The following TDG variants were observed in gnomAD, a reference collection of about 807,000 sequenced individuals.
TDG encodes G/T mismatch-specific thymine DNA glycosylase.
In TDG, 23 loss-of-function variants were observed where a neutral mutation model predicts 46.1. That is an observed-to-expected ratio of 0.50 (90% CI 0.36 to 0.71). The LOEUF (loss-of-function observed/expected upper bound fraction) is 0.71, where lower values mean the gene tolerates loss of function less well. Ranked by LOEUF, TDG falls within the 30% of genes least tolerant of loss-of-function variation. TDG has a pLI of 0.00. For missense variants in TDG, 304 were observed against 486.7 expected, an observed-to-expected ratio of 0.62 and a Z score of 3.53; for synonymous variants, 115 against 161.3, an observed-to-expected ratio of 0.71 and a Z score of 2.18.
intron 1 of TDG, among the ~76,000 whole-genome samples, chr12:103,968,354 C>A (rs4135047): frequency 0.76 from 115,840 of 152,100 alleles, 44,374 homozygotes; most frequent in East Asian, 1. Context: ...TTAACCCTTG[C>A]ATGAGAGTAG....
At chr12:103,983,718 T>C (rs1871977221) in intron 7 of TDG, among the ~76,000 whole-genome samples, 1 of 152,206 alleles carries the variant, frequency 6.6e-6, no homozygotes, top group Non-Finnish European at 1.5e-5. Context: ...CCTCGTACTG[T>C]TGTGAAACAA....
In TDG at chr12:103,980,130, A is replaced by G. The variant is rs1444577384; in HGVS notation, c.408+58A>G. The G allele has an allele frequency of 3.1e-6, 5 of 1,598,004 alleles. No individual in the cohort carries two copies. The African/African-American group carries it at 5.4e-5, about 17-fold the overall frequency. On this transcript the variant is annotated intron_variant, in intron 3 of 9. Coordinates refer to ENST00000392872, the MANE Select transcript of TDG (RefSeq NM_003211.6). ...TAGTATTGGGGGATCAGCTTTACTTAACAGTTGTCCTTGCAAATAGCATTT... is the reference window on the plus strand; with the variant it reads ...TAGTATTGGGGGATCAGCTTTACTTGACAGTTGTCCTTGCAAATAGCATTT...
intron 9 of TDG, among the ~76,000 whole-genome samples, 192 bp downstream of exon 9, chr12:103,985,920 TTTTG>T (rs1378425595): frequency 3.9e-5 from 6 of 152,162 alleles, no homozygotes; most frequent in Admixed American, 6.5e-5. Flanking sequence ...ACATTTTCTT[TTTTG>T]TTTGTTTGTT....
intron 1 of TDG, among the ~76,000 whole-genome samples, chr12:103,972,352 C>T (rs1253227067): frequency 6.6e-6 from 1 of 152,158 alleles, no homozygotes; most frequent in African/African-American, 2.4e-5. Context: ...CTCCTAACCT[C>T]GTGATCCAAC....
chr12:103,968,930 A>T (rs1370054570), intron 1 of TDG, among the ~76,000 whole-genome samples: 1 of 152,194 alleles, frequency 6.6e-6, no homozygotes, highest in African/African-American at 2.4e-5. Context: ...GGAGTTCAAG[A>T]CCAGCCTGGC....
intron 3 of TDG, 131 bp downstream of exon 3, chr12:103,980,203 C>T: frequency 7.7e-7 from 1 of 1,294,686 alleles, no homozygotes; most frequent in Non-Finnish European, 1.1e-6. Flanking sequence ...TAAATGGTGT[C>T]AGCTTCATGA....
intron 8 of TDG, among the ~76,000 whole-genome samples, chr12:103,985,154 T>C (rs1183436604): frequency 8.5e-6 from 1 of 118,096 alleles, no homozygotes; most frequent in African/African-American, 3.1e-5. Flanking sequence ...TGTGTGTCTA[T>C]ATATAGACAC....
At chr12:103,969,471 T>A (rs1483866041) in intron 1 of TDG, among the ~76,000 whole-genome samples, 1 of 152,236 alleles carries the variant, frequency 6.6e-6, no homozygotes, top group Non-Finnish European at 1.5e-5. Flanking sequence ...TCTCTATCCC[T>A]AACTTTGTTC....
At chr12:103,970,333 C>G (rs909233224) in intron 1 of TDG, among the ~76,000 whole-genome samples, 6 of 151,934 alleles carry the variant, frequency 3.9e-5, no homozygotes, top group African/African-American at 1.5e-4. Flanking sequence ...TAAAATTTAG[C>G]CAGGCATAGA....
intron 1 of TDG, among the ~76,000 whole-genome samples, chr12:103,966,451 CAGG>C (rs766314173): frequency 6.6e-6 from 1 of 152,150 alleles, no homozygotes; most frequent in Admixed American, 6.5e-5. Context: ...TTTCCAGCTC[CAGG>C]AGTTTTCATT....
At chr12:103,967,733 A>G (rs1055321529) in intron 1 of TDG, 1 of 152,112 alleles carries the variant, frequency 6.6e-6, no homozygotes, top group Non-Finnish European at 1.5e-5. Context: ...CTAGGATTAC[A>G]AATGTGAGCC....
At chr12:103,974,974 CAAAAA>C (rs34864393) in intron 1 of TDG, among the ~76,000 whole-genome samples, 2 of 77,230 alleles carry the variant, frequency 2.6e-5, no homozygotes, top group African/African-American at 5.1e-5. Flanking sequence ...GACTCCGTCT[CAAAAA>C]AAAAAAAAAA....
rs1566180289 is a variant in TDG at position 103,976,972 on chromosome 12, G to A, written c.78G>A (p.Met26Ile). 1 of 1,613,912 alleles carries A rather than the reference G, an allele frequency of 6.2e-7. No individual in the cohort carries two copies. Among genetic ancestry groups the A allele is most frequent in the Admixed American group, 1.7e-5 (1 of 59,970 alleles). The change falls in exon 2 of 10, where the codon ATG becomes ATA. Residue 26 changes from methionine to isoleucine, a missense_variant. By Grantham distance (10) the Met-to-Ile change is conservative. Transcript: ENST00000392872. ...ATACGTTTCCATTTCAACAACTGATGGCTGAAGCTCCTAATATGGCAGTTG... is the reference window on the plus strand; with the variant it reads ...ATACGTTTCCATTTCAACAACTGATAGCTGAAGCTCCTAATATGGCAGTTG... ...AFYTFPFQQL[M>I]AEAPNMAVVN...
At chr12:103,966,775 G>T (rs1252926955) in intron 1 of TDG, among the ~76,000 whole-genome samples, 1 of 152,116 alleles carries the variant, frequency 6.6e-6, no homozygotes, top group African/African-American at 2.4e-5. Context: ...AAAGAGTGAT[G>T]ATTTACATTG....
At chr12:103,971,862 GAA>G (rs773052113) in intron 1 of TDG, among the ~76,000 whole-genome samples, 3 of 152,124 alleles carry the variant, frequency 2.0e-5, no homozygotes, top group Non-Finnish European at 4.4e-5. Context: ...CACATATGTA[GAA>G]ATCACTGAAT....
chr12:103,976,925 C>T lies in TDG; in HGVS notation c.31C>T (p.Leu11Phe). 2 of 1,613,588 alleles carry T rather than the reference C, an allele frequency of 1.2e-6. No individual in the cohort carries two copies. Among genetic ancestry groups the T allele is most frequent in the Non-Finnish European group, 8.5e-7 (1 of 1,179,892 alleles). Reference protein sequence around the residue: MEAENAGSYSLQQAQAFYTFP... With the variant: MEAENAGSYSFQQAQAFYTFP... ...GCTTCATTATTCTTTCAGCTATTCC[C>T]TTCAGCAAGCTCAAGCTTTTTATAC... Residue 11 changes from leucine to phenylalanine, a missense_variant, in exon 2 of 10, where the codon CTT becomes TTT. By Grantham distance (22) the Leu-to-Phe change is conservative (BLOSUM62 0). Transcript: ENST00000392872.
rs1475775259 is a variant in TDG, at chr12:103,988,234, GT to G, written c.*1146del. The G allele has an allele frequency of 1.4e-4, 21 of 152,382 alleles. No homozygotes were observed. Among genetic ancestry groups the G allele is most frequent in the Non-Finnish European group, 2.6e-4 (18 of 67,986 alleles). The allele number at this position is 152,382 out of a possible 1,614,324, so 9.4% of individuals were successfully genotyped here. On this transcript the variant is annotated 3_prime_UTR_variant, in exon 10 of 10. Coordinates refer to ENST00000392872, the MANE Select transcript of TDG (RefSeq NM_003211.6). Reference sequence around the variant, plus strand: ...AAGAAATGTTATTTGCATCCTCTCAGTTACTCCTGAATATTCTGATTTCATA... The same window carrying G: ...AAGAAATGTTATTTGCATCCTCTCAGTACTCCTGAATATTCTGATTTCATA...
chr12:103,968,236 T>C (rs1871144475), intron 1 of TDG, among the ~76,000 whole-genome samples: 3 of 152,158 alleles, frequency 2.0e-5, no homozygotes, highest in South Asian at 4.1e-4. Flanking sequence ...GAGTTTCCCG[T>C]GACCTCAGGC....
chr12:103,965,904 C>A lies in TDG; in HGVS notation c.-134C>A. 1 of 1,382,592 alleles carries A rather than the reference C, an allele frequency of 7.2e-7. No individual in the cohort carries two copies. Among genetic ancestry groups the A allele is most frequent in the Non-Finnish European group, 9.8e-7 (1 of 1,023,516 alleles). The allele number at this position is 1,382,592 out of a possible 1,614,324, so 85.6% of individuals were successfully genotyped here. A position where few individuals can be genotyped will look rare whatever the true frequency, so the allele number is the denominator to read the frequency against. On this transcript the variant is annotated 5_prime_UTR_variant, in exon 1 of 10. In the 5' UTR this introduces an upstream ATG that the reference lacks. Coordinates refer to ENST00000392872, the MANE Select transcript of TDG (RefSeq NM_003211.6). The stretch of plus-strand genomic sequence containing the variant: ...TGGAGGAGGAGCTTGAGTCCAGCCA[C>A]TGTCTGGGTACTGCCAGCCATCGGG...
Sources: gnomAD v4.1 joint callset for allele counts (sites outside exome capture counted in the v4.1 genomes callset) on GRCh38, gnomAD v4.1.1 for gene constraint, MANE v1.5 for transcripts, NCBI Gene and HGNC (gene_info 2026-07-23, HGNC 2026-07-21) for gene names.